CFAP54: variants seen among roughly 807,000 people sequenced by gnomAD.
CFAP54 encodes cilia- and flagella-associated protein 54.
A neutral mutation model predicts 370.4 loss-of-function variants in CFAP54; 290 were observed. The ratio of observed to expected loss-of-function variants is 0.78; its 90% CI spans 0.71 to 0.86. The LOEUF (loss-of-function observed/expected upper bound fraction) is 0.86. Ranked by LOEUF, CFAP54 falls within the 40% of genes least tolerant of loss-of-function variation. The probability of loss-of-function intolerance (pLI) is 0.00; values close to 1 mark genes in which losing one functional copy is unlikely to be tolerated. For synonymous variants in CFAP54, 1,206 were observed against 1,236.5 expected, an observed-to-expected ratio of 0.98 and a Z score of 0.52; for missense variants, 3,399 against 3,528.7, an observed-to-expected ratio of 0.96 and a Z score of 0.93.
At chr12:96,527,489 ATGAG>A (rs1955396096) in intron 9 of CFAP54, 45 bp downstream of exon 9, 2 of 1,323,786 alleles carry the variant, frequency 1.5e-6, no homozygotes, top group Middle Eastern at 1.9e-4. Flanking sequence ...AATGATACAC[ATGAG>A]TAACAAAAAT....
chr12:96,666,638 T>A (rs1957084038), intron 39 of CFAP54, among the ~76,000 whole-genome samples: 1 of 152,074 alleles, frequency 6.6e-6, no homozygotes, highest in Non-Finnish European at 1.5e-5. Context: ...GAGAACAACA[T>A]GGGAAAATCC....
rs1215003179 is a variant in CFAP54, at chr12:96,734,651, C to CT, written c.6966-5304dup. ...ATATGGGAAAAGTGGAATTTGACCT[C>CT]TCTCTCTCCAGTGTATGAATTCTTA... On this transcript the variant is annotated intron_variant, in intron 50 of 67. Transcript: ENST00000524981. Among the ~76,000 whole-genome samples, 8 of 152,160 alleles carry CT rather than the reference C, an allele frequency of 5.3e-5. No individual in the cohort carries two copies. The East Asian group carries it at 1.5e-3, about 29-fold the overall frequency.
intron 28 of CFAP54, 34 bp downstream of exon 28, chr12:96,623,915 C>A: frequency 7.5e-7 from 1 of 1,341,134 alleles, no homozygotes; most frequent in Non-Finnish European, 1.0e-6. Flanking sequence ...TTCCATTTAG[C>A]ATTAAGTTTT....
intron 50 of CFAP54, among the ~76,000 whole-genome samples, chr12:96,737,592 CCAT>C (rs890883959): frequency 6.6e-6 from 1 of 151,316 alleles, no homozygotes; most frequent in African/African-American, 2.4e-5. Context: ...CGGGTTCAAA[CCAT>C]CCTCCTGCCT....
intron 60 of CFAP54, among the ~76,000 whole-genome samples, chr12:96,778,568 C>T (rs930093510): frequency 1.3e-5 from 2 of 152,140 alleles, no homozygotes; most frequent in African/African-American, 4.8e-5. Flanking sequence ...ATACATTCTA[C>T]TTGATGACAA....
intron 39 of CFAP54, among the ~76,000 whole-genome samples, chr12:96,671,631 T>C (rs1957147045): frequency 6.6e-6 from 1 of 152,020 alleles, no homozygotes; most frequent in Non-Finnish European, 1.5e-5. Context: ...TAGAAAGTCA[T>C]TGAATAGAGG....
rs116234403 is a variant in CFAP54 at position 96,774,409 on chromosome 12, G to A, written c.8281+9191G>A. Among the ~76,000 whole-genome samples the A allele has an allele frequency of 7.6e-3, 1,162 of 152,154 alleles. 23 individuals are homozygous for A. Among genetic ancestry groups the A allele is most frequent in the African/African-American group, 0.026 (1,093 of 41,526 alleles). On this transcript the variant is annotated intron_variant, in intron 60 of 67. Transcript: ENST00000524981. ...TTAAATAACTTATAGAAATCTATTC[G>A]GAATATGTAAAGTGTGACAAGCGGA...
chr12:96,756,336 T>C, intron 56 of CFAP54, 122 bp from the exon 57 acceptor site: 1 of 602,738 alleles, frequency 1.7e-6, no homozygotes, highest in South Asian at 2.3e-5. Context: ...CTGGAAGAAA[T>C]AGACAGACAT....
chr12:96,654,374 G>A (rs940612701), intron 36 of CFAP54, among the ~76,000 whole-genome samples: 4 of 151,194 alleles, frequency 2.6e-5, no homozygotes, highest in East Asian at 1.9e-4. Flanking sequence ...AGTGGCGGGC[G>A]CCTGTAGTCC....
intron 39 of CFAP54, among the ~76,000 whole-genome samples, chr12:96,665,939 TC>T (rs1374769293): frequency 7.2e-5 from 11 of 152,226 alleles, no homozygotes. Context: ...TATTGATTCT[TC>T]CTATCCATGA....
At chr12:96,569,763 C>T (rs938838281) in intron 19 of CFAP54, among the ~76,000 whole-genome samples, 8 of 152,256 alleles carry the variant, frequency 5.3e-5, no homozygotes, top group African/African-American at 7.2e-5. Flanking sequence ...CCAGAACTAA[C>T]GAAGAAATTC....
chr12:96,692,035 C>CT (rs957983976), intron 44 of CFAP54, among the ~76,000 whole-genome samples: 3 of 150,918 alleles, frequency 2.0e-5, no homozygotes, highest in African/African-American at 7.3e-5. Context: ...TCCTTTTCTG[C>CT]TTTTTTCCCT....
intron 66 of CFAP54, among the ~76,000 whole-genome samples, chr12:96,844,577 C>T (rs147516989): frequency 4.6e-5 from 7 of 152,306 alleles, no homozygotes. Flanking sequence ...TTTGTTACAG[C>T]AGCAGTAAGA....
At chr12:96,617,326 A>G (rs971824265) in intron 26 of CFAP54, among the ~76,000 whole-genome samples, 8 of 152,214 alleles carry the variant, frequency 5.3e-5, no homozygotes, top group African/African-American at 1.9e-4. Context: ...CAGGACTGCA[A>G]TTGAAGCAGT....
rs1329945616 is a variant in CFAP54, at chr12:96,576,592, A to AT, written c.2629dup (p.Ser877PhefsTer7). The AT allele has an allele frequency of 6.6e-7, 1 of 1,523,478 alleles. No homozygotes were observed. Among genetic ancestry groups the AT allele is most frequent in the Non-Finnish European group, 8.8e-7 (1 of 1,138,816 alleles). The allele number at this position is 1,523,478 out of a possible 1,614,324, so 94.4% of individuals were successfully genotyped here. Reference sequence around the variant, plus strand: ...TTTCATATTTCATTATAGGAAGCATATTCCTTAATTCAGAGGATTGAAGCT... The same window carrying AT: ...TTTCATATTTCATTATAGGAAGCATATTTCCTTAATTCAGAGGATTGAAGCT... On this transcript the variant is annotated frameshift_variant, in exon 20 of 68. Coordinates refer to ENST00000524981, the MANE Select transcript of CFAP54 (RefSeq NM_001306084.2). LOFTEE classifies it high-confidence loss of function.
At chr12:96,666,794 C>A (rs2136528505) in intron 39 of CFAP54, among the ~76,000 whole-genome samples, 1 of 152,290 alleles carries the variant, frequency 6.6e-6, no homozygotes, top group East Asian at 1.9e-4. Context: ...CATGTCCTCA[C>A]ATTTCAAAAC....
At chr12:96,771,037 T>A (rs921668305) in intron 60 of CFAP54, among the ~76,000 whole-genome samples, 2 of 152,226 alleles carry the variant, frequency 1.3e-5, no homozygotes, top group African/African-American at 4.8e-5. Context: ...AGTACAAAAA[T>A]TGTTTTAATT....
intron 25 of CFAP54, among the ~76,000 whole-genome samples, chr12:96,597,817 A>G (rs2136440437): frequency 6.6e-6 from 1 of 152,050 alleles, no homozygotes; most frequent in East Asian, 1.9e-4. Flanking sequence ...GTTTTTATAC[A>G]CATGTATGTA....
chr12:96,850,426 A>G (rs1959508549), intron 66 of CFAP54, among the ~76,000 whole-genome samples: 1 of 151,874 alleles, frequency 6.6e-6, no homozygotes. Flanking sequence ...GGAGCGTTTC[A>G]TGGAGAGCCT....
Sources: allele counts gnomAD v4.1 joint callset (sites outside exome capture counted in the v4.1 genomes callset), GRCh38; gene constraint gnomAD v4.1.1; transcripts MANE v1.5; gene names NCBI Gene and HGNC (gene_info 2026-07-23, HGNC 2026-07-21).